Variants in CGAS observed in about 807,000 individuals in gnomAD.
CGAS encodes 2'3'-cGAMP synthase.
Under a neutral mutation model 34.0 loss-of-function variants are expected in CGAS, and 31 were observed. The ratio of observed to expected loss-of-function variants is 0.91; its 90% CI spans 0.69 to 1.23. CGAS has a LOEUF of 1.23. Ranked by LOEUF, CGAS falls within the 50% of genes most tolerant of loss-of-function variation. CGAS has a pLI of 0.00. For synonymous variants in CGAS, 266 were observed against 260.0 expected (o/e 1.02, Z -0.22); for missense variants, 597 against 657.6 (o/e 0.91, Z 1.01).
At chr6:73,434,610 TA>T (rs1456721089) in intron 3 of CGAS, among the ~76,000 whole-genome samples, 1 of 151,656 alleles carries the variant, frequency 6.6e-6, no homozygotes, top group African/African-American at 2.4e-5. Context: ...CTTGGAACAG[TA>T]AAAGGACATT....
In CGAS at chr6:73,451,756, G is replaced by A. The variant is rs376338425; in HGVS notation, c.426C>T (p.Pro142=). The change falls in exon 1 of 5, where the codon CCC becomes CCT. Residue 142 remains proline, a synonymous_variant. Coordinates refer to ENST00000370315, the MANE Select transcript of CGAS (RefSeq NM_138441.3). ...PRPPPGPWDV[P]SPGLPVSAPI... ...GGGCCGAGACCGGCAGGCCGGGGCT[G>A]GGCACGTCCCAGGGCCCGGGCGGAG... 520 of 1,608,530 alleles carry A rather than the reference G, an allele frequency of 3.2e-4. 1 individual carries two copies. Among genetic ancestry groups the A allele is most frequent in the Non-Finnish European group, 4.1e-4 (484 of 1,178,048 alleles).
Position 73,451,534 on chromosome 6 carries a change from C to T in CGAS, c.648G>A (p.Glu216=), listed in dbSNP as rs749860310. The stretch of plus-strand genomic sequence containing the variant: ...GCGCCAAGCAGCTCACCTTCACGTG[C>T]TCATAGTAGCTCCCGGTGTTCAGCA... ...VGLLNTGSYY[E]HVKISAPNEF... is the part of the protein sequence containing the mutation. Residue 216 remains glutamate, a synonymous_variant, in exon 1 of 5, where the codon GAG becomes GAA. Coordinates refer to ENST00000370315, the MANE Select transcript of CGAS (RefSeq NM_138441.3). 6.4e-6 allele frequency: 10 copies of T among 1,565,616 alleles called. No individual in the cohort carries two copies. The highest frequency in any genetic ancestry group is 6.9e-6 in the Non-Finnish European group (8 of 1,155,444).
Position 73,436,464 on chromosome 6 carries a change from T to C in CGAS, c.1114+3745A>G, listed in dbSNP as rs1045743582. Among the ~76,000 whole-genome samples the C allele has an allele frequency of 1.1e-4, 11 of 100,048 alleles. 1 individual carries two copies. Among genetic ancestry groups the C allele is most frequent in the African/African-American group, 3.9e-4 (11 of 28,032 alleles). The allele number at this position is 100,048 out of a possible 152,430, so 65.6% of individuals were successfully genotyped here. A position where few individuals can be genotyped will look rare whatever the true frequency, so the allele number is the denominator to read the frequency against. On this transcript the variant is annotated intron_variant, in intron 3 of 4. Coordinates refer to ENST00000370315, the MANE Select transcript of CGAS (RefSeq NM_138441.3). ...ATATAATATAAAACATTGTATATAA[T>C]TTATATTATATACTATATACACATT...
At chr6:73,447,752 T>C (rs1770494273) in intron 1 of CGAS, among the ~76,000 whole-genome samples, 1 of 152,150 alleles carries the variant, frequency 6.6e-6, no homozygotes, top group Admixed American at 6.6e-5. Flanking sequence ...TGGACCTAGG[T>C]TTGATATTTT....
chr6:73,435,981 G>A (rs1176046453), intron 3 of CGAS, among the ~76,000 whole-genome samples: 1 of 151,914 alleles, frequency 6.6e-6, no homozygotes, highest in Non-Finnish European at 1.5e-5. Context: ...TAAGATAAAA[G>A]GACAGTCAAA....
Position 73,451,753 on chromosome 6 carries a change from G to A in CGAS, c.429C>T (p.Ser143=), listed in dbSNP as rs1367369705. 3 of 1,609,452 alleles carry A rather than the reference G, an allele frequency of 1.9e-6. No homozygotes were observed. The East Asian group carries it at 6.7e-5, about 36-fold the overall frequency. ...TGGGGGCCGAGACCGGCAGGCCGGG[G>A]CTGGGCACGTCCCAGGGCCCGGGCG... ...RPPPGPWDVP[S]PGLPVSAPIL... The change falls in exon 1 of 5, where the codon AGC becomes AGT. Residue 143 remains serine, a synonymous_variant. Coordinates refer to ENST00000370315, the MANE Select transcript of CGAS (RefSeq NM_138441.3).
At chr6:73,435,921 T>A (rs1770273699) in intron 3 of CGAS, among the ~76,000 whole-genome samples, 1 of 152,082 alleles carries the variant, frequency 6.6e-6, no homozygotes, top group Non-Finnish European at 1.5e-5. Context: ...TTATTACCAA[T>A]AATACACTTA....
In CGAS at chr6:73,425,562, G is replaced by C; in HGVS notation, c.1234C>G (p.Leu412Val). 1 of 1,579,754 alleles carries C rather than the reference G, an allele frequency of 6.3e-7. No homozygotes were observed. The highest frequency in any genetic ancestry group is 8.6e-7 in the Non-Finnish European group (1 of 1,164,044). ...AGCTGTTCTAAAAGGTATTTCATTA[G>C]TTTTAAACAATCTTTCCTGTTGAAT... ...EKCCRKDCLK[L>V]MKYLLEQLKE... The change falls in exon 5 of 5, where the codon CTA (leucine) becomes GTA (valine). Residue 412 changes from leucine to valine, a missense_variant. Physicochemically the swap from Leu to Val is conservative, Grantham distance 32. Coordinates refer to ENST00000370315, the MANE Select transcript of CGAS (RefSeq NM_138441.3).
chr6:73,428,606 C>T, intron 4 of CGAS, 103 bp downstream of exon 4: 1 of 1,079,906 alleles, frequency 9.3e-7, no homozygotes, highest in Non-Finnish European at 1.3e-6. Context: ...TGCCCTGCCC[C>T]CCAGACCCAA....
At chr6:73,445,420 T>C (rs1770453424) in intron 2 of CGAS, 108 bp downstream of exon 2, 1 of 647,748 alleles carries the variant, frequency 1.5e-6, no homozygotes, top group East Asian at 2.9e-5. Context: ...ACCTCTCTAC[T>C]GCACTTTTTC....
intron 3 of CGAS, among the ~76,000 whole-genome samples, chr6:73,429,750 C>G (rs1035801707): frequency 6.6e-6 from 1 of 151,696 alleles, no homozygotes; most frequent in Admixed American, 6.6e-5. Flanking sequence ...GGCGCGAACC[C>G]GGGAGGTGGA....
At chr6:73,434,977 C>T (rs985333900) in intron 3 of CGAS, among the ~76,000 whole-genome samples, 2 of 151,916 alleles carry the variant, frequency 1.3e-5, no homozygotes, top group African/African-American at 4.8e-5. Flanking sequence ...AATAATATAT[C>T]AATATTGGTT....
At chr6:73,439,971 A>T in intron 3 of CGAS, 1 of 452,494 alleles carries the variant, frequency 2.2e-6, no homozygotes, top group Non-Finnish European at 3.9e-6. Context: ...TACCGAAAAA[A>T]ATAAAATAAA....
chr6:73,430,262 G>A (rs1770171953), intron 3 of CGAS, among the ~76,000 whole-genome samples: 2 of 152,038 alleles, frequency 1.3e-5, no homozygotes, highest in African/African-American at 4.8e-5. Context: ...GGAAAAACAG[G>A]GTTACACACT....
chr6:73,447,699 C>G (rs1770493768), intron 1 of CGAS, among the ~76,000 whole-genome samples: 1 of 152,090 alleles, frequency 6.6e-6, no homozygotes, highest in African/African-American at 2.4e-5. Flanking sequence ...GTGATTCTCC[C>G]ACCTCGGCCT....
At chr6:73,450,447 A>T (rs1220565022) in intron 1 of CGAS, among the ~76,000 whole-genome samples, 1 of 151,968 alleles carries the variant, frequency 6.6e-6, no homozygotes, top group African/African-American at 2.4e-5. Context: ...AGAAAGAAAA[A>T]GAAAAAGAAA....
intron 3 of CGAS, among the ~76,000 whole-genome samples, chr6:73,436,548 G>T (rs2150812422): frequency 9.9e-6 from 1 of 100,604 alleles, no homozygotes; most frequent in South Asian, 4.4e-4. Context: ...TTTGAGACAG[G>T]GTCTCACTCT....
chr6:73,425,967 T>C (rs1232161926), intron 4 of CGAS, among the ~76,000 whole-genome samples: 1 of 130,740 alleles, frequency 7.6e-6, no homozygotes. Flanking sequence ...AGAACGAAAC[T>C]CTGTCACACA....
intron 3 of CGAS, 186 bp downstream of exon 3, chr6:73,440,023 G>T (rs1357913011): frequency 1.1e-5 from 6 of 546,282 alleles, no homozygotes; most frequent in Non-Finnish European, 1.6e-5. Context: ...CTGAGTATTT[G>T]ATATTAATAC....
Sources: gnomAD v4.1 joint callset for allele counts (sites outside exome capture counted in the v4.1 genomes callset) on GRCh38, gnomAD v4.1.1 for gene constraint, MANE v1.5 for transcripts, NCBI Gene and HGNC (gene_info 2026-07-23, HGNC 2026-07-21) for gene names.